The following PLEKHM3 variants were observed in gnomAD, a reference collection of about 807,000 sequenced individuals.
PLEKHM3 encodes pleckstrin homology domain-containing family M member 3.
Under a neutral mutation model 81.8 loss-of-function variants are expected in PLEKHM3, and 45 were observed. The observed-to-expected ratio is 0.55, with a 90% CI of 0.43 to 0.71. PLEKHM3 has a LOEUF of 0.71. Ranked by LOEUF, PLEKHM3 falls within the 30% of genes least tolerant of loss-of-function variation. PLEKHM3 has a pLI of 0.00. For synonymous variants in PLEKHM3, 352 were observed against 356.4 expected, an observed-to-expected ratio of 0.99 and a Z score of 0.14; for missense variants, 788 against 924.3, an observed-to-expected ratio of 0.85 and a Z score of 1.91.
Position 207,901,439 on chromosome 2 carries a change from G to A in PLEKHM3, c.1950+7075C>T, listed in dbSNP as rs1688423075. ...GAAAACTAGTAGTTATGCTCAGCAG[G>A]TAGTAAGGACATCAAGACTGAAAGT... is the stretch of plus-strand genomic sequence containing the variant. On this transcript the variant is annotated intron_variant, in intron 6 of 7. Coordinates refer to ENST00000427836, the MANE Select transcript of PLEKHM3 (RefSeq NM_001080475.3). 7.4e-6 allele frequency: 5 copies of A among 672,722 alleles called. No homozygotes were observed. In the Admixed American group the frequency reaches 1.1e-4, roughly 14 times the overall value. 41.7% of individuals were successfully genotyped at this position (672,722 alleles called of 1,614,324 possible). A position where few individuals can be genotyped will look rare whatever the true frequency, so the allele number is the denominator to read the frequency against.
chr2:207,847,198 T>A (rs1016279111), intron 7 of PLEKHM3, among the ~76,000 whole-genome samples: 2 of 152,206 alleles, frequency 1.3e-5, no homozygotes, highest in African/African-American at 4.8e-5. Flanking sequence ...AAATGCACCA[T>A]ATTTATCAAG....
chr2:207,884,536 C>T (rs1008560311), intron 6 of PLEKHM3, among the ~76,000 whole-genome samples: 16 of 152,146 alleles, frequency 1.1e-4, no homozygotes, highest in African/African-American at 3.9e-4. Context: ...ATTGCTTCTA[C>T]TCTTGAAGAG....
rs772027361 is a variant in PLEKHM3, at chr2:207,882,858, C to T, written c.1951-21596G>A. Among the ~76,000 whole-genome samples the T allele has an allele frequency of 8.6e-5, 13 of 151,862 alleles. No homozygotes were observed. The East Asian group carries it at 1.7e-3, about 20-fold the overall frequency. On this transcript the variant is annotated intron_variant, in intron 6 of 7. Coordinates refer to ENST00000427836, the MANE Select transcript of PLEKHM3 (RefSeq NM_001080475.3). ...TTTTAATTTTTTTTCCCGAGATTCT[C>T]GTGCCTCAGCCTCCCAAGTAGTTGG... is the stretch of plus-strand genomic sequence containing the variant.
intron 7 of PLEKHM3, among the ~76,000 whole-genome samples, chr2:207,847,705 C>T (rs989640735): frequency 4.6e-5 from 7 of 152,134 alleles, no homozygotes; most frequent in Admixed American, 2.0e-4. Flanking sequence ...AAGAAAAGAA[C>T]GATTAGAAAC....
chr2:207,943,599 TG>T (rs1690015204), intron 4 of PLEKHM3, among the ~76,000 whole-genome samples: 1 of 152,022 alleles, frequency 6.6e-6, no homozygotes, highest in Non-Finnish European at 1.5e-5. Flanking sequence ...CCGGGCGCGG[TG>T]GCTCACGCCT....
At chr2:207,901,282 GTTAGA>G (rs1688418617) in intron 6 of PLEKHM3, 1 of 703,026 alleles carries the variant, frequency 1.4e-6, no homozygotes, top group African/African-American at 1.7e-5. Context: ...TGTGGATCAG[GTTAGA>G]TTTGGCTGTA....
chr2:207,933,675 T>C (rs1453916727), intron 4 of PLEKHM3, among the ~76,000 whole-genome samples: 4 of 152,172 alleles, frequency 2.6e-5, no homozygotes, highest in South Asian at 4.1e-4. Context: ...GAAAAAAATC[T>C]TTTACAGAGA....
chr2:208,014,897 C>T (rs1692836663), intron 1 of PLEKHM3, among the ~76,000 whole-genome samples: 1 of 152,200 alleles, frequency 6.6e-6, no homozygotes, highest in Admixed American at 6.5e-5. Flanking sequence ...TCAGGCACTG[C>T]TACGGCTATG....
chr2:207,823,430 T>A lies in PLEKHM3; in HGVS notation c.*4889A>T, dbSNP rs980941276. 6.6e-6 allele frequency: 1 copy of A among 152,062 alleles called. No individual in the cohort carries two copies. Among genetic ancestry groups the A allele is most frequent in the East Asian group, 1.9e-4 (1 of 5,182 alleles). 9.4% of individuals were successfully genotyped at this position (152,062 alleles called of 1,614,324 possible). A position where few individuals can be genotyped will look rare whatever the true frequency, so the allele number is the denominator to read the frequency against. Reference sequence around the variant, plus strand: ...AATTCTCCTGCCTCAGTCTCCCAAGTAGCTGGGATTATAGGCATCCACCAA... The same window carrying A: ...AATTCTCCTGCCTCAGTCTCCCAAGAAGCTGGGATTATAGGCATCCACCAA... On this transcript the variant is annotated 3_prime_UTR_variant, in exon 8 of 8. Coordinates refer to ENST00000427836, the MANE Select transcript of PLEKHM3 (RefSeq NM_001080475.3).
chr2:207,922,357 T>A (rs564514697), intron 5 of PLEKHM3, among the ~76,000 whole-genome samples: 5 of 152,258 alleles, frequency 3.3e-5, no homozygotes, highest in Non-Finnish European at 7.3e-5. Flanking sequence ...ATTATCTTTA[T>A]ATACAGTAAA....
chr2:207,854,041 T>C (rs549201117), intron 7 of PLEKHM3, among the ~76,000 whole-genome samples: 1 of 152,052 alleles, frequency 6.6e-6, no homozygotes, highest in East Asian at 1.9e-4. Flanking sequence ...CCTCCCGAAG[T>C]GCTGGGATTA....
chr2:207,859,079 A>G (rs1408256275), intron 7 of PLEKHM3, among the ~76,000 whole-genome samples: 2 of 150,470 alleles, frequency 1.3e-5, no homozygotes, highest in African/African-American at 4.9e-5. Flanking sequence ...TCTTTCCGTT[A>G]GCATGTTTTC....
chr2:207,841,963 A>G (rs2092356886), intron 7 of PLEKHM3, among the ~76,000 whole-genome samples: 1 of 152,022 alleles, frequency 6.6e-6, no homozygotes. Flanking sequence ...TTTGAGACGG[A>G]GTCTCTCTCT....
At chr2:207,853,189 C>G (rs2092421450) in intron 7 of PLEKHM3, among the ~76,000 whole-genome samples, 1 of 152,122 alleles carries the variant, frequency 6.6e-6, no homozygotes, top group Admixed American at 6.5e-5. Context: ...CTTTGGGAGG[C>G]CAAGGCGGGT....
intron 4 of PLEKHM3, among the ~76,000 whole-genome samples, chr2:207,945,599 A>C (rs1317433888): frequency 6.6e-6 from 1 of 151,960 alleles, no homozygotes. Context: ...TAGGAGCGCT[A>C]CTCTACTATA....
chr2:207,921,599 C>A (rs1689185355), intron 5 of PLEKHM3, among the ~76,000 whole-genome samples: 1 of 152,224 alleles, frequency 6.6e-6, no homozygotes, highest in South Asian at 2.1e-4. Flanking sequence ...CTATAGAATG[C>A]CAGAACCTAT....
chr2:207,899,357 A>G (rs1688344755), intron 6 of PLEKHM3, among the ~76,000 whole-genome samples: 1 of 152,234 alleles, frequency 6.6e-6, no homozygotes, highest in Non-Finnish European at 1.5e-5. Context: ...GAACAGAATC[A>G]TGAGCAGCTT....
At position 208,023,697 on chromosome 2, in the gene PLEKHM3, C is replaced by T. The variant is rs1371990458; in HGVS notation, c.-319+1692G>A. On this transcript the variant is annotated intron_variant, in intron 1 of 7. Transcript: ENST00000427836. ...GTTTCATCCCGTAACTATCACCCCC[C>T]TACTCCCCGACCCCACACCACCCGC... Among the ~76,000 whole-genome samples, 33 of 152,050 alleles carry T rather than the reference C, an allele frequency of 2.2e-4. 1 individual carries two copies. Among genetic ancestry groups the T allele is most frequent in the Admixed American group, 2.2e-3 (33 of 15,262 alleles).
At chr2:207,895,823 C>T (rs1268114325) in intron 6 of PLEKHM3, among the ~76,000 whole-genome samples, 5 of 151,832 alleles carry the variant, frequency 3.3e-5, no homozygotes, top group Non-Finnish European at 7.3e-5. Flanking sequence ...ATTAAGACAA[C>T]AATTTGTCTT....
Sources: allele counts gnomAD v4.1 joint callset (sites outside exome capture counted in the v4.1 genomes callset), GRCh38; gene constraint gnomAD v4.1.1; transcripts MANE v1.5; gene names NCBI Gene and HGNC (gene_info 2026-07-23, HGNC 2026-07-21).